Variants in TMED3 observed in about 807,000 individuals in gnomAD.
The protein encoded by TMED3 is transmembrane emp24 domain-containing protein 3.
TMED3 carries 9 observed loss-of-function variants against 15.0 expected under a neutral mutation model. The ratio of observed to expected loss-of-function variants is 0.60; its 90% CI spans 0.36 to 1.04. The LOEUF is 1.04. Among genes scored for constraint, TMED3 ranks in the 50% least tolerant of loss-of-function variants. TMED3 has a pLI of 0.01. For missense variants in TMED3, 267 were observed against 278.9 expected (o/e 0.96, Z 0.30); for synonymous variants, 117 against 121.4 (o/e 0.96, Z 0.24).
chr15:79,344,640 C>T (rs2058862611), intron 2 of TMED3, among the ~76,000 whole-genome samples: 1 of 152,146 alleles, frequency 6.6e-6, no homozygotes, highest in Admixed American at 6.5e-5. Context: ...CTGCAGAAAA[C>T]CCTTTTTCTT....
chr15:79,325,269 G>A (rs1483495918), downstream of TMED3, among the ~76,000 whole-genome samples: 1 of 152,180 alleles, frequency 6.6e-6, no homozygotes, highest in Non-Finnish European at 1.5e-5. Context: ...GATCTGCACT[G>A]GCAAGCTGGT....
intron 2 of TMED3, among the ~76,000 whole-genome samples, chr15:79,409,438 G>A (rs1490768392): frequency 6.6e-6 from 1 of 152,206 alleles, no homozygotes; most frequent in East Asian, 1.9e-4. Context: ...AATGATTGGA[G>A]GTGGGGCAAG....
chr15:79,314,701 C>G, intron 2 of TMED3: 2 of 368,902 alleles, frequency 5.4e-6, no homozygotes, highest in South Asian at 4.0e-5. Context: ...GGAAGGCTGG[C>G]AAGTAGAGCC....
At chr15:79,403,308 G>A (rs1039932946) in intron 2 of TMED3, among the ~76,000 whole-genome samples, 4 of 149,472 alleles carry the variant, frequency 2.7e-5, no homozygotes, top group Non-Finnish European at 5.9e-5. Flanking sequence ...TGCTATAACT[G>A]GGCCTGAGGC....
chr15:79,321,760 A>G (rs766933005), intron 2 of TMED3, among the ~76,000 whole-genome samples: 6 of 152,224 alleles, frequency 3.9e-5, no homozygotes, highest in Non-Finnish European at 7.3e-5. Flanking sequence ...ACTCAGCCAC[A>G]TACTAACTGT....
intron 2 of TMED3, among the ~76,000 whole-genome samples, chr15:79,352,830 T>G (rs896303335): frequency 7.3e-5 from 9 of 122,862 alleles, no homozygotes; most frequent in Non-Finnish European, 1.6e-5. Flanking sequence ...TTTCAAAATT[T>G]TATATATATA....
At chr15:79,353,244 TAC>T (rs1179289615) in intron 2 of TMED3, among the ~76,000 whole-genome samples, 283 of 50,296 alleles carry the variant, frequency 5.6e-3, no homozygotes, top group African/African-American at 0.014. Context: ...AAAATATATA[TAC>T]TATATATAAT....
chr15:79,382,962 T>C (rs1277069868), intron 2 of TMED3: 1 of 1,535,360 alleles, frequency 6.5e-7, no homozygotes, highest in African/African-American at 1.4e-5. Flanking sequence ...TTATTTCTTT[T>C]CCAAGGGTCC....
intron 2 of TMED3, among the ~76,000 whole-genome samples, chr15:79,377,626 G>GCATATGAACAA: frequency 6.6e-6 from 1 of 151,084 alleles, no homozygotes; most frequent in African/African-American, 2.4e-5. Context: ...TTTAAAAATT[G>GCATATGAACAA]CATATGAACA....
intron 2 of TMED3, among the ~76,000 whole-genome samples, chr15:79,367,634 G>T (rs1595902167): frequency 6.6e-6 from 1 of 152,176 alleles, no homozygotes; most frequent in Non-Finnish European, 1.5e-5. Flanking sequence ...CTTTGGCTGA[G>T]GTGTTGACAC....
intron 2 of TMED3, among the ~76,000 whole-genome samples, chr15:79,351,252 A>G (rs1003385842): frequency 7.2e-5 from 11 of 152,212 alleles, no homozygotes; most frequent in South Asian, 4.1e-4. Context: ...TCAGTTTACT[A>G]GGCTGTGCTA....
intron 2 of TMED3, among the ~76,000 whole-genome samples, chr15:79,389,781 T>C (rs1230124232): frequency 6.6e-6 from 1 of 152,118 alleles, no homozygotes; most frequent in Non-Finnish European, 1.5e-5. Flanking sequence ...CAGTGTTTAG[T>C]TTTTCTTGTA....
rs2058770421 is a variant in TMED3 at position 79,322,158 on chromosome 15, CT to C, written c.599del (p.Leu200ArgfsTer2). On this transcript the variant is annotated frameshift_variant, in exon 3 of 3. Coordinates refer to ENST00000299705, the MANE Select transcript of TMED3 (RefSeq NM_007364.4). LOFTEE classifies it high-confidence loss of function. ...LFVVSFSQVL[L>X]LKSFFTEKRP... ...CGTGGTCAGCTTCAGTCAGGTGCTA[CT>C]GTTGAAAAGCTTCTTCACAGAAAAA... 1 of 1,614,200 alleles carries C rather than the reference CT, an allele frequency of 6.2e-7. No individual in the cohort carries two copies. Among genetic ancestry groups the C allele is most frequent in the Non-Finnish European group, 8.5e-7 (1 of 1,180,034 alleles).
intron 2 of TMED3, among the ~76,000 whole-genome samples, chr15:79,379,499 C>T (rs1046547230): frequency 6.6e-6 from 1 of 152,104 alleles, no homozygotes; most frequent in Non-Finnish European, 1.5e-5. Context: ...AAAAGCACAT[C>T]TTGTAAGATA....
intron 2 of TMED3, among the ~76,000 whole-genome samples, chr15:79,339,155 C>G (rs1461826742): frequency 3.3e-5 from 5 of 152,190 alleles, no homozygotes; most frequent in East Asian, 1.9e-4. Flanking sequence ...AGTTGTTTCT[C>G]TCTTTGTCTC....
At position 79,380,077 on chromosome 15, in the gene TMED3, C is replaced by T. The variant is rs534486807; in HGVS notation, c.418-31323C>T. Among the ~76,000 whole-genome samples, 6 of 152,176 alleles carry T rather than the reference C, an allele frequency of 3.9e-5. No homozygotes were observed. The East Asian group carries it at 1.2e-3, about 29-fold the overall frequency. On this transcript the variant is annotated intron_variant, in intron 2 of 2. Coordinates refer to the TMED3 transcript ENST00000424155. Reference sequence around the variant, plus strand: ...TCAGCATCACTAAGATGTGCAGGTCCTTGGTATATATATGTCTAAAAGCAA... The same window carrying T: ...TCAGCATCACTAAGATGTGCAGGTCTTTGGTATATATATGTCTAAAAGCAA...
intron 2 of TMED3, among the ~76,000 whole-genome samples, chr15:79,367,538 A>C (rs1179518499): frequency 6.6e-6 from 1 of 152,184 alleles, no homozygotes; most frequent in Non-Finnish European, 1.5e-5. Context: ...TCTCTTGCAG[A>C]GGTACCCCAC....
intron 2 of TMED3, among the ~76,000 whole-genome samples, chr15:79,335,298 T>TAAAC (rs3038058): frequency 0.49 from 73,558 of 151,622 alleles, 18,973 homozygotes; most frequent in East Asian, 0.64. Context: ...CTGGGAAAAA[T>TAAAC]AAACAAACAA....
chr15:79,326,612 G>A (rs2058788419), downstream of TMED3, among the ~76,000 whole-genome samples: 1 of 152,120 alleles, frequency 6.6e-6, no homozygotes, highest in Non-Finnish European at 1.5e-5. Context: ...GGAGGAGGGC[G>A]GGAAGAAGGA....
Sources: allele counts gnomAD v4.1 joint callset (sites outside exome capture counted in the v4.1 genomes callset), GRCh38; gene constraint gnomAD v4.1.1; transcripts MANE v1.5; gene names NCBI Gene and HGNC (gene_info 2026-07-23, HGNC 2026-07-21).